Variants in ARID1B observed in about 807,000 individuals in gnomAD.
The protein encoded by ARID1B is AT-rich interaction domain 1B, also known as AT-rich interactive domain-containing protein 1B.
A neutral mutation model predicts 212.3 loss-of-function variants in ARID1B; 30 were observed. The ratio of observed to expected loss-of-function variants is 0.14; its 90% CI spans 0.11 to 0.19. The LOEUF is 0.19. ARID1B is among the 10% of genes least tolerant of loss of function. The pLI, the probability that ARID1B is intolerant of heterozygous loss-of-function variation, is 1.00. For synonymous variants in ARID1B, 1,402 were observed against 1,301.7 expected (o/e 1.08, Z -1.66); for missense variants, 2,891 against 3,204.0 (o/e 0.90, Z 2.36).
intron 7 of ARID1B, among the ~76,000 whole-genome samples, chr6:157,138,891 A>G (rs1473632486): frequency 6.6e-6 from 1 of 152,208 alleles, no homozygotes; most frequent in Non-Finnish European, 1.5e-5. Context: ...ATATTAGAAA[A>G]AACAAAAATT....
At chr6:156,877,186 G>A (rs895635288) in intron 2 of ARID1B, among the ~76,000 whole-genome samples, 5 of 152,130 alleles carry the variant, frequency 3.3e-5, no homozygotes, top group African/African-American at 1.2e-4. Context: ...AATCTGATAT[G>A]TTATTCTCCT....
Position 156,948,075 on chromosome 6 carries a change from C to G in ARID1B, c.2247+12499C>G, listed in dbSNP as rs1445204193. 2.6e-5 allele frequency among the ~76,000 whole-genome samples: 4 copies of G among 152,226 alleles called. No individual in the cohort carries two copies. In the East Asian group the frequency reaches 7.7e-4, roughly 29 times the overall value. Reference sequence around the variant, plus strand: ...TGGTGCCACCATGGTGTCCTGTGAGCTTTTTCAAAGCTAAAACAGTCTCTC... The same window carrying G: ...TGGTGCCACCATGGTGTCCTGTGAGGTTTTTCAAAGCTAAAACAGTCTCTC... On this transcript the variant is annotated intron_variant, in intron 4 of 19. Coordinates refer to ENST00000636930, the MANE Select transcript of ARID1B (RefSeq NM_001374828.1).
intron 4 of ARID1B, chr6:156,938,110 A>G (rs928097943): frequency 1.4e-5 from 2 of 145,954 alleles, no homozygotes; most frequent in African/African-American, 5.5e-5. Flanking sequence ...AATGAAATTT[A>G]TTGCACCACT....
chr6:156,795,169 C>T (rs1780276362), intron 1 of ARID1B, among the ~76,000 whole-genome samples: 2 of 152,106 alleles, frequency 1.3e-5, no homozygotes, highest in African/African-American at 2.4e-5. Flanking sequence ...GTTCAGGAGG[C>T]GGAGGCTGCT....
At chr6:157,105,229 G>A (rs926871746) in intron 5 of ARID1B, among the ~76,000 whole-genome samples, 1 of 152,132 alleles carries the variant, frequency 6.6e-6, no homozygotes, top group African/African-American at 2.4e-5. Flanking sequence ...GAAAACTAGG[G>A]TGAATTCCTC....
Position 157,207,707 on chromosome 6 carries a change from C to T in ARID1B, c.6935C>T (p.Pro2312Leu). Residue 2312 changes from proline to leucine, a missense_variant, in exon 20 of 20, where the codon CCA becomes CTA. Physicochemically the swap from Pro to Leu is moderately conservative, Grantham distance 98 (BLOSUM62 -3). Coordinates refer to ENST00000636930, the MANE Select transcript of ARID1B (RefSeq NM_001374828.1). This position sits in a 1 kb window ranked among gnomAD's most constrained non-coding sequence, Gnocchi z 8.5. Reference sequence around the variant, plus strand: ...CACATGCAGCCCCCGCCCCTGGAACCACCTAGCGTAGACATGATGTGCAGG... The same window carrying T: ...CACATGCAGCCCCCGCCCCTGGAACTACCTAGCGTAGACATGATGTGCAGG... ...LMHMQPPPLE[P>L]PSVDMMCRAA... The T allele has an allele frequency of 6.2e-7, 1 of 1,605,660 alleles. No individual in the cohort carries two copies. The highest frequency in any genetic ancestry group is 1.3e-5 in the African/African-American group (1 of 74,872).
At chr6:156,836,371 G>A (rs1474156482) in intron 2 of ARID1B, among the ~76,000 whole-genome samples, 2 of 152,122 alleles carry the variant, frequency 1.3e-5, no homozygotes, top group Non-Finnish European at 2.9e-5. Context: ...GGGAGGCTAC[G>A]TGGGCAAGCG....
intron 6 of ARID1B, among the ~76,000 whole-genome samples, chr6:157,130,589 T>C (rs1372103021): frequency 6.6e-6 from 1 of 152,234 alleles, no homozygotes; most frequent in Non-Finnish European, 1.5e-5. Flanking sequence ...ATAAGTTAAA[T>C]AGGATAATAA....
At chr6:157,014,596 A>C (rs1358792068) in intron 4 of ARID1B, among the ~76,000 whole-genome samples, 1 of 152,172 alleles carries the variant, frequency 6.6e-6, no homozygotes, top group East Asian at 1.9e-4. Flanking sequence ...AGTTTTTTTC[A>C]TCTCACCCAA....
chr6:157,142,500 C>G (rs1488796973), intron 7 of ARID1B, among the ~76,000 whole-genome samples: 1 of 152,078 alleles, frequency 6.6e-6, no homozygotes, highest in African/African-American at 2.4e-5. Flanking sequence ...GTAGTACACA[C>G]CTGTAAACCC....
At chr6:156,833,917 A>G (rs1783317780) in intron 2 of ARID1B, among the ~76,000 whole-genome samples, 1 of 152,186 alleles carries the variant, frequency 6.6e-6, no homozygotes, top group Non-Finnish European at 1.5e-5. Flanking sequence ...GCAAATGTTT[A>G]TTTTGGCAGC....
intron 4 of ARID1B, among the ~76,000 whole-genome samples, chr6:157,004,269 A>G (rs777499394): frequency 2.0e-5 from 3 of 152,178 alleles, no homozygotes; most frequent in Non-Finnish European, 2.9e-5. Flanking sequence ...TTCCATGGAA[A>G]TGTCTTAAAT....
intron 1 of ARID1B, among the ~76,000 whole-genome samples, chr6:156,808,291 A>G (rs965197629): frequency 3.3e-5 from 5 of 152,148 alleles, no homozygotes; most frequent in African/African-American, 9.6e-5. Flanking sequence ...GAGAACATGT[A>G]GTGGTATAAT....
At chr6:156,878,727 C>A (rs1166332684) in intron 2 of ARID1B, among the ~76,000 whole-genome samples, 1 of 152,144 alleles carries the variant, frequency 6.6e-6, no homozygotes, top group African/African-American at 2.4e-5. Context: ...GAGGAGTTAC[C>A]CAAATCCCAG....
chr6:156,976,623 G>A (rs901016406), intron 4 of ARID1B, among the ~76,000 whole-genome samples: 2 of 152,124 alleles, frequency 1.3e-5, no homozygotes, highest in Non-Finnish European at 2.9e-5. Flanking sequence ...GCCAGCAACG[G>A]CAACCCTTCT....
chr6:157,186,138 T>C, intron 13 of ARID1B: 1 of 227,024 alleles, frequency 4.4e-6, no homozygotes, highest in Non-Finnish European at 9.0e-6. Flanking sequence ...GGGCTGCACT[T>C]GTGTATGGAG....
intron 4 of ARID1B, among the ~76,000 whole-genome samples, chr6:157,028,706 A>G (rs1780821839): frequency 6.6e-6 from 1 of 152,238 alleles, no homozygotes; most frequent in South Asian, 2.1e-4. Context: ...TGTAACTGAC[A>G]GGGTTACACT....
chr6:156,880,761 A>G (rs1351234934), intron 2 of ARID1B, among the ~76,000 whole-genome samples: 4 of 58,992 alleles, frequency 6.8e-5, no homozygotes, highest in Non-Finnish European at 1.4e-4. Context: ...AAAAAAAAAA[A>G]AAAGAAAAGA....
chr6:156,931,943 G>A (rs1476390566), intron 3 of ARID1B, among the ~76,000 whole-genome samples: 8 of 140,060 alleles, frequency 5.7e-5, no homozygotes, highest in East Asian at 4.1e-4. Context: ...CCTGGGCAAC[G>A]AGAGCAAGAT....
Sources: allele counts gnomAD v4.1 joint callset (sites outside exome capture counted in the v4.1 genomes callset), GRCh38; gene constraint gnomAD v4.1.1; non-coding constraint Gnocchi (gnomAD v3.1); transcripts MANE v1.5; gene names NCBI Gene and HGNC (gene_info 2026-07-23, HGNC 2026-07-21).